MUC4: variants seen among roughly 807,000 people sequenced by gnomAD.
MUC4 encodes mucin-4.
In MUC4, 202 loss-of-function variants were observed where a neutral mutation model predicts 257.9. The observed-to-expected ratio is 0.78, with a 90% confidence interval of 0.70 to 0.88. The LOEUF is 0.88. MUC4 is among the 40% of genes least tolerant of loss of function. The pLI, the probability that MUC4 is intolerant of heterozygous loss-of-function variation, is 0.00. For synonymous variants in MUC4, 2,351 were observed against 2,757.1 expected (o/e 0.85, Z 4.62); for missense variants, 5,976 against 6,513.7 (o/e 0.92, Z 2.84).
intron 16 of MUC4, among the ~76,000 whole-genome samples, chr3:195,760,320 A>G (rs2641716): frequency 0.7 from 106,588 of 152,094 alleles, 37,682 homozygotes; most frequent in East Asian, 0.8. Flanking sequence ...AGACGTAAAG[A>G]AGGTGAGGGG....
intron 21 of MUC4, chr3:195,751,502 C>G: frequency 1.7e-6 from 1 of 594,876 alleles, no homozygotes; most frequent in Admixed American, 3.0e-5. Context: ...CCATTCTGTC[C>G]CCCCCTCAGC....
In MUC4 at chr3:195,786,542, G is replaced by T; in HGVS notation, c.5038C>A (p.Pro1680Thr). ...TSSASTGHAT[P>T]LPVTGLSSAT... Reference sequence around the variant, plus strand: ...GAGGAAAGGCCGGTGACAGGAAGAGGGGTGGCGTGACCGGTGGATGCTGAG... The same window carrying T: ...GAGGAAAGGCCGGTGACAGGAAGAGTGGTGGCGTGACCGGTGGATGCTGAG... The change falls in exon 2 of 25, where the codon CCT becomes ACT. Residue 1680 changes from proline (P) to threonine (T), a missense_variant. By Grantham distance (38) the Pro-to-Thr change is conservative. This residue lies in a region of MUC4 where 61 missense variants were observed against 100.2 expected (regional missense o/e 0.61). Coordinates refer to ENST00000463781, the MANE Select transcript of MUC4 (RefSeq NM_018406.7). The T allele has an allele frequency of 7.4e-7, 1 of 1,345,690 alleles. No homozygotes were observed. The allele number at this position is 1,345,690 out of a possible 1,614,324, so 83.4% of individuals were successfully genotyped here.
rs150042131 is a variant in MUC4, at chr3:195,748,979, G to A, written c.15957C>T (p.Thr5319=). 4.2e-5 allele frequency: 67 copies of A among 1,609,998 alleles called. No homozygotes were observed. The African/African-American group carries it at 8.6e-4, about 21-fold the overall frequency. ...AGCCCCTACTGCACGGGGACACGCA[G>A]GTGAAGCCGCTCTGGGGGCTGTAGA... ...DLVYSPQSGF[T]CVSPCSRGYC... The change falls in exon 24 of 25, where the codon ACC becomes ACT. Residue 5319 remains threonine (T), a synonymous_variant. Transcript: ENST00000463781.
chr3:195,769,243 C>G lies in MUC4; in HGVS notation c.13399-91G>C, dbSNP rs1316767111. The G allele has an allele frequency of 4.6e-6, 7 of 1,518,974 alleles. No homozygotes were observed. In the Admixed American group the frequency reaches 7.8e-5, roughly 17 times the overall value. The allele number at this position is 1,518,974 out of a possible 1,614,324, so 94.1% of individuals were successfully genotyped here. On this transcript the variant is annotated intron_variant, in intron 6 of 24. Coordinates refer to ENST00000463781, the MANE Select transcript of MUC4 (RefSeq NM_018406.7). ...CCCCCGCCCGTCCCACAGCCCTGCT[C>G]TGACACGCACAGCACCTGTTCCTGG... is the stretch of plus-strand genomic sequence containing the variant.
At position 195,757,753 on chromosome 3, in the gene MUC4, C is replaced by T. The variant is rs1017316299; in HGVS notation, c.14987-425G>A. ...CTTTGCCCTGATTTCTCACCCACCC[C>T]CCACTTCCTGGACCTTTCCCAGACA... On this transcript the variant is annotated intron_variant, in intron 17 of 24. Transcript: ENST00000463781. This position sits in a 1 kb window ranked among gnomAD's most constrained non-coding sequence, Gnocchi z 4.8. 6.6e-6 allele frequency among the ~76,000 whole-genome samples: 1 copy of T among 152,134 alleles called. No individual in the cohort carries two copies. Among genetic ancestry groups the T allele is most frequent in the Non-Finnish European group, 1.5e-5 (1 of 68,012 alleles).
At position 195,755,641 on chromosome 3, in the gene MUC4, ACT is replaced by A. The variant is rs1354009586; in HGVS notation, c.15169-1271_15169-1270del. On this transcript the variant is annotated intron_variant, in intron 18 of 24. Coordinates refer to ENST00000463781, the MANE Select transcript of MUC4 (RefSeq NM_018406.7). The surrounding 1 kb of genome is among the most constrained non-coding windows in gnomAD (Gnocchi z 5.0). ...CTGCGCTCCCCTTTCTAACTCCCTTACTGAAGCGACTCGGGGAATCTCCCTAA... is the reference window on the plus strand; with the variant it reads ...CTGCGCTCCCCTTTCTAACTCCCTTAGAAGCGACTCGGGGAATCTCCCTAA... 6.6e-6 allele frequency among the ~76,000 whole-genome samples: 1 copy of A among 151,814 alleles called. No individual in the cohort carries two copies. Among genetic ancestry groups the A allele is most frequent in the Non-Finnish European group, 1.5e-5 (1 of 67,960 alleles).
In MUC4 at chr3:195,787,214, G is replaced by T; in HGVS notation, c.4366C>A (p.Pro1456Thr). 3.3e-6 allele frequency: 2 copies of T among 603,026 alleles called. No homozygotes were observed. The highest frequency in any genetic ancestry group is 3.0e-5 in the East Asian group (1 of 33,626). 37.4% of individuals were successfully genotyped at this position (603,026 alleles called of 1,614,324 possible). ...PSAASTGHTT[P>T]LPVTDTSSAS... ...GAGGAAGTGTCGGTGACAGGAAGAGGGGTGGTGTGACCTGTGGATGCTGCG... is the reference window on the plus strand; with the variant it reads ...GAGGAAGTGTCGGTGACAGGAAGAGTGGTGGTGTGACCTGTGGATGCTGCG... The change falls in exon 2 of 25, where the codon CCT (proline) becomes ACT (threonine). Residue 1456 changes from proline to threonine, a missense_variant. Physicochemically the swap from Pro to Thr is conservative, Grantham distance 38. Transcript: ENST00000463781.
chr3:195,778,321 G>A lies in MUC4; in HGVS notation c.12925C>T (p.Pro4309Ser), dbSNP rs1260953701. 6.2e-7 allele frequency: 1 copy of A among 1,611,538 alleles called. No individual in the cohort carries two copies. Among genetic ancestry groups the A allele is most frequent in the Non-Finnish European group, 8.5e-7 (1 of 1,179,426 alleles). ...MHTRSTAAPI[P>S]ILPERGVSLF... ...GCCTCACCTCTCTCAGGCAGGATGG[G>A]GATGGGGGCAGCTGTGGAGCGGGTG... The change falls in exon 3 of 25, where the codon CCC (proline) becomes TCC (serine). Residue 4309 changes from proline (P) to serine (S), a missense_variant. By Grantham distance (74) the Pro-to-Ser change is moderately conservative. Transcript: ENST00000463781.
intron 7 of MUC4, among the ~76,000 whole-genome samples, chr3:195,767,639 CCATCGCCACCACCACCACCACCACCAT>C (rs1721310884): frequency 8.5e-6 from 1 of 117,828 alleles, no homozygotes; most frequent in Non-Finnish European, 1.6e-5. Context: ...ATCACCACCA[CCATCGCCACCACCACCACCACCACCAT>C]CACCATCACC....
At chr3:195,794,136 A>G (rs1734251306) in intron 1 of MUC4, among the ~76,000 whole-genome samples, 1 of 150,848 alleles carries the variant, frequency 6.6e-6, no homozygotes, top group African/African-American at 2.4e-5. Flanking sequence ...ATAAAGAAAA[A>G]TATTTCCCAG....
Position 195,778,454 on chromosome 3 carries a change from T to A in MUC4, c.12792A>T (p.Gly4264=), listed in dbSNP as rs749041650. The change falls in exon 3 of 25, where the codon GGA becomes GGT. Residue 4264 remains glycine (G), a splice_region_variant and synonymous_variant. Coordinates refer to ENST00000463781, the MANE Select transcript of MUC4 (RefSeq NM_018406.7). ...CTGTCTTCAGTGACGGTGTTGTCAT[T>A]CCTGGACACGTGAAAAGACAAGGCG... ...SDSPLKMETP[G]MTTPSLKTDG... 3 of 1,612,008 alleles carry A rather than the reference T, an allele frequency of 1.9e-6. No homozygotes were observed. Among genetic ancestry groups the A allele is most frequent in the East Asian group, 4.5e-5 (2 of 44,856 alleles).
intron 17 of MUC4, among the ~76,000 whole-genome samples, chr3:195,758,252 G>T (rs1315015402): frequency 6.6e-6 from 1 of 152,150 alleles, no homozygotes; most frequent in Non-Finnish European, 1.5e-5. Context: ...GATCATGGAT[G>T]TAGGGCTCGG....
chr3:195,767,769 C>CCATTGCCACCACCATCAT (rs1560264727), intron 7 of MUC4, among the ~76,000 whole-genome samples: 1 of 117,314 alleles, frequency 8.5e-6, no homozygotes, highest in Non-Finnish European at 1.7e-5. Flanking sequence ...ATCACCACCA[C>CCATTGCCACCACCATCAT]CACCACCATC....
chr3:195,775,605 C>T (rs1295406381), intron 3 of MUC4, among the ~76,000 whole-genome samples: 128 of 85,060 alleles, frequency 1.5e-3, no homozygotes, highest in African/African-American at 4.6e-3. Context: ...CCTTCCACAC[C>T]CATACCTTCC....
In MUC4 at chr3:195,778,497, A is replaced by C. The variant is rs150574853; in HGVS notation, c.12791-42T>G. 2.6e-4 allele frequency: 409 copies of C among 1,602,160 alleles called. 1 individual carries two copies. The African/African-American group carries it at 3.5e-3, about 14-fold the overall frequency. ...ACAAGGCGGGGTGTTTCTTACAGTA[A>C]CAAAACAGGAGAGTCAAAGAGATTC... On this transcript the variant is annotated intron_variant, in intron 2 of 24. Coordinates refer to ENST00000463781, the MANE Select transcript of MUC4 (RefSeq NM_018406.7).
chr3:195,788,643 G>T lies in MUC4; in HGVS notation c.2937C>A (p.Val979=). The T allele has an allele frequency of 1.2e-6, 2 of 1,609,102 alleles. No individual in the cohort carries two copies. The highest frequency in any genetic ancestry group is 2.2e-5 in the South Asian group (2 of 90,222). The stretch of plus-strand genomic sequence containing the variant: ...CTGTGGATGCCGAGGAAGCGTAGGT[G>T]ACAGGAAGAGGGGTGGCGTTGCTGA... ...ALISNATPLP[V]TYASSASTGH... is the part of the protein sequence containing the mutation. The change falls in exon 2 of 25, where the codon GTC becomes GTA. Residue 979 remains valine, a synonymous_variant. Transcript: ENST00000463781.
chr3:195,798,949 C>G (rs1734932561), intron 1 of MUC4, among the ~76,000 whole-genome samples: 1 of 152,068 alleles, frequency 6.6e-6, no homozygotes, highest in Non-Finnish European at 1.5e-5. Context: ...ATAGTAAAAT[C>G]TAGGGTGCTG....
rs1294188379 is a variant in MUC4 at position 195,789,716 on chromosome 3, G to A, written c.1864C>T (p.His622Tyr). ...TAPSTNHSTI[H>Y]STSTSPQESP... ...TCCTGAGGAGAGGTGCTTGTGGAAT[G>A]TATTGTTGAATGATTTGTTGATGGT... Residue 622 changes from histidine (H) to tyrosine (Y), a missense_variant, in exon 2 of 25, where the codon CAT becomes TAT. His to Tyr is a moderately conservative substitution (Grantham distance 83). Transcript: ENST00000463781. 6.8e-6 allele frequency: 11 copies of A among 1,613,822 alleles called. No homozygotes were observed. The South Asian group carries it at 8.8e-5, about 13-fold the overall frequency.
At chr3:195,778,145 C>A in intron 3 of MUC4, 158 bp downstream of exon 3, 1 of 992,626 alleles carries the variant, frequency 1.0e-6, no homozygotes, top group Non-Finnish European at 1.4e-6. Flanking sequence ...CAGTGCCATG[C>A]ACAAAGCCAG....
Sources: gnomAD v4.1 joint callset for allele counts (sites outside exome capture counted in the v4.1 genomes callset) on GRCh38, gnomAD v4.1.1 for gene constraint, gnomAD v4.1.1 regional missense constraint, Gnocchi (gnomAD v3.1) non-coding constraint, MANE v1.5 for transcripts, NCBI Gene and HGNC (gene_info 2026-07-23, HGNC 2026-07-21) for gene names.